Variants in EXOC4 observed in about 807,000 individuals in gnomAD.
EXOC4 encodes the protein SEC8-like 1.
EXOC4 carries 71 observed loss-of-function variants against 107.2 expected under a neutral mutation model. That is an observed-to-expected ratio of 0.66 (90% confidence interval 0.55 to 0.81). EXOC4 has a LOEUF of 0.81. Among genes scored for constraint, EXOC4 ranks in the 30% least tolerant of loss-of-function variants. EXOC4 has a pLI of 0.00. For missense variants in EXOC4, 1,108 were observed against 1,189.6 expected, an observed-to-expected ratio of 0.93 and a Z score of 1.01; for synonymous variants, 456 against 441.2, an observed-to-expected ratio of 1.03 and a Z score of -0.42.
chr7:133,350,488 G>A (rs149080612), intron 5 of EXOC4, among the ~76,000 whole-genome samples: 131 of 152,096 alleles, frequency 8.6e-4, no homozygotes, highest in South Asian at 6.8e-3. Flanking sequence ...GTGTATGTGA[G>A]GTTTTTTCCC....
chr7:133,327,109 T>G (rs779731510), intron 5 of EXOC4, among the ~76,000 whole-genome samples: 1 of 152,144 alleles, frequency 6.6e-6, no homozygotes, highest in Non-Finnish European at 1.5e-5. Context: ...CATCCATCAC[T>G]GCTTCCTTTG....
At chr7:133,481,836 G>T (rs577086419) in intron 9 of EXOC4, among the ~76,000 whole-genome samples, 1 of 152,302 alleles carries the variant, frequency 6.6e-6, no homozygotes, top group African/African-American at 2.4e-5. Flanking sequence ...AGGACAGAAA[G>T]GAGTGAAGGA....
rs574801021 is a variant in EXOC4 at position 133,488,818 on chromosome 7, A to G, written c.1417+8680A>G. On this transcript the variant is annotated intron_variant, in intron 9 of 17. Transcript: ENST00000253861. ...ACTATGTAGCAATGAAAATGAATGAACTATGCTATACATTGAGTTGGTTGA... is the reference window on the plus strand; with the variant it reads ...ACTATGTAGCAATGAAAATGAATGAGCTATGCTATACATTGAGTTGGTTGA... 1.1e-3 allele frequency among the ~76,000 whole-genome samples: 169 copies of G among 151,976 alleles called. 1 individual carries two copies. Among genetic ancestry groups the G allele is most frequent in the African/African-American group, 4.0e-3 (166 of 41,530 alleles).
At chr7:133,648,735 G>T (rs182990910) in intron 10 of EXOC4, among the ~76,000 whole-genome samples, 1 of 152,096 alleles carries the variant, frequency 6.6e-6, no homozygotes, top group Non-Finnish European at 1.5e-5. Context: ...ATTCAGAAAC[G>T]TCATTAATTT....
intron 7 of EXOC4, among the ~76,000 whole-genome samples, chr7:133,462,942 T>C (rs1404704066): frequency 6.6e-6 from 1 of 152,086 alleles, no homozygotes; most frequent in Non-Finnish European, 1.5e-5. Flanking sequence ...AGAGGTTTAT[T>C]TATTTTGAAG....
intron 17 of EXOC4, among the ~76,000 whole-genome samples, chr7:134,016,496 T>A (rs955143671): frequency 1.3e-5 from 2 of 152,198 alleles, no homozygotes; most frequent in Non-Finnish European, 2.9e-5. Flanking sequence ...CACCATAAAT[T>A]GATAGAGCAT....
At chr7:134,069,036 A>G (rs192704908), downstream of EXOC4, among the ~76,000 whole-genome samples, 9 of 152,130 alleles carry the variant, frequency 5.9e-5, no homozygotes, top group Admixed American at 2.6e-4. Context: ...CCCAGAGTCC[A>G]TATTTCCCCT....
intron 14 of EXOC4, among the ~76,000 whole-genome samples, chr7:133,986,599 T>C (rs1373151219): frequency 2.6e-5 from 4 of 152,216 alleles, no homozygotes; most frequent in South Asian, 4.1e-4. Context: ...TAAGCTGGTA[T>C]GTACTTTAGC....
intron 17 of EXOC4, among the ~76,000 whole-genome samples, chr7:134,050,475 A>G (rs544552920): frequency 4.7e-5 from 6 of 127,376 alleles, no homozygotes; most frequent in African/African-American, 2.1e-4. Context: ...TCAGCTCAAA[A>G]AGAATATTAA....
At chr7:133,570,965 A>C (rs775929037) in intron 9 of EXOC4, among the ~76,000 whole-genome samples, 17 of 152,334 alleles carry the variant, frequency 1.1e-4, no homozygotes, top group South Asian at 2.1e-4. Context: ...ATCAATGGTG[A>C]TTTAAGTATT....
chr7:133,544,185 A>G (rs1323205610), intron 9 of EXOC4, among the ~76,000 whole-genome samples: 1 of 152,110 alleles, frequency 6.6e-6, no homozygotes, highest in Non-Finnish European at 1.5e-5. Context: ...AGCCTGAGAA[A>G]TATATGTTCA....
intron 10 of EXOC4, among the ~76,000 whole-genome samples, chr7:133,755,289 CATATTATAT>C (rs1257959497): frequency 1.1e-5 from 1 of 91,874 alleles, no homozygotes; most frequent in Non-Finnish European, 2.1e-5. Context: ...ATATTATATA[CATATTATAT>C]ATATTATATA....
intron 15 of EXOC4, among the ~76,000 whole-genome samples, chr7:134,000,111 T>C (rs746519742): frequency 6.5e-4 from 99 of 152,320 alleles, no homozygotes; most frequent in Middle Eastern, 6.8e-3. Context: ...CACTTCCTCA[T>C]GTAACATGGT....
chr7:133,866,029 A>T (rs1271951329), intron 11 of EXOC4, among the ~76,000 whole-genome samples: 2 of 152,160 alleles, frequency 1.3e-5, no homozygotes, highest in African/African-American at 4.8e-5. Context: ...ACTAATATTT[A>T]TGAAGGGGGA....
At chr7:134,082,200 C>T in the EXOC4 span, among the ~76,000 whole-genome samples, 11 of 151,696 alleles carry the variant, frequency 7.3e-5, no homozygotes, top group Admixed American at 1.3e-4. Flanking sequence ...TTGGTTATTT[C>T]TTGATTATAT....
At chr7:133,374,686 T>A (rs933765730) in intron 6 of EXOC4, 142 bp from the exon 7 acceptor site, 2 of 625,740 alleles carry the variant, frequency 3.2e-6, no homozygotes, top group African/African-American at 3.7e-5. Flanking sequence ...GTTGTTTGAA[T>A]TCACATCTGC....
At chr7:133,416,814 G>A (rs1245614340) in intron 7 of EXOC4, among the ~76,000 whole-genome samples, 2 of 152,158 alleles carry the variant, frequency 1.3e-5, no homozygotes, top group Non-Finnish European at 2.9e-5. Flanking sequence ...AGGGAGGGAA[G>A]CTAAGCCGAT....
intron 7 of EXOC4, among the ~76,000 whole-genome samples, chr7:133,461,502 T>C (rs569245210): frequency 6.6e-6 from 1 of 152,322 alleles, no homozygotes; most frequent in South Asian, 2.1e-4. Flanking sequence ...ATAAACAATA[T>C]AAAATCATCT....
chr7:133,629,538 G>GTTTGTTTA (rs1452183887), intron 9 of EXOC4, among the ~76,000 whole-genome samples: 3 of 149,650 alleles, frequency 2.0e-5, no homozygotes, highest in Non-Finnish European at 4.5e-5. Flanking sequence ...TGTTTTGTTT[G>GTTTGTTTA]TTTGTTTGTT....
Sources: allele counts gnomAD v4.1 joint callset (sites outside exome capture counted in the v4.1 genomes callset), GRCh38; gene constraint gnomAD v4.1.1; transcripts MANE v1.5; gene names NCBI Gene and HGNC (gene_info 2026-07-23, HGNC 2026-07-21).